KIAA1614: variants seen among roughly 807,000 people sequenced by gnomAD.
KIAA1614 encodes uncharacterized protein KIAA1614.
KIAA1614 carries 76 observed loss-of-function variants against 88.7 expected under a neutral mutation model. That is an observed-to-expected ratio of 0.86 (90% CI 0.71 to 1.04). The LOEUF (loss-of-function observed/expected upper bound fraction) is 1.04, where lower values mean the gene tolerates loss of function less well. Among genes scored for constraint, KIAA1614 ranks in the 50% least tolerant of loss-of-function variants. The probability of loss-of-function intolerance (pLI) is 0.00; values close to 1 mark genes in which losing one functional copy is unlikely to be tolerated. For missense variants in KIAA1614, 1,553 were observed against 1,582.5 expected, an observed-to-expected ratio of 0.98 and a Z score of 0.32; for synonymous variants, 714 against 675.5, an observed-to-expected ratio of 1.06 and a Z score of -0.88.
Position 180,935,393 on chromosome 1 carries a change from C to A in KIAA1614, c.1484C>A (p.Ala495Asp). The A allele has an allele frequency of 6.8e-7, 1 of 1,471,146 alleles. No individual in the cohort carries two copies. The highest frequency in any genetic ancestry group is 8.9e-7 in the Non-Finnish European group (1 of 1,117,808). The allele number at this position is 1,471,146 out of a possible 1,614,324, so 91.1% of individuals were successfully genotyped here. The change falls in exon 5 of 9, where the codon GCC (alanine) becomes GAC (aspartate). Residue 495 changes from alanine (A) to aspartate (D), a missense_variant. Transcript: ENST00000367588. The surrounding 1 kb of genome is among the most constrained non-coding windows in gnomAD (Gnocchi z 6.1). ...QGPLRSKPDL[A>D]DYINGAPRLR... ...CCCCTGCGCTCCAAGCCCGACCTCG[C>A]CGACTACATCAACGGGGCTCCCCGG...
In KIAA1614 at chr1:180,935,249, C is replaced by A; in HGVS notation, c.1340C>A (p.Pro447Gln). The A allele has an allele frequency of 1.3e-6, 2 of 1,527,410 alleles. No homozygotes were observed. Among genetic ancestry groups the A allele is most frequent in the Non-Finnish European group, 1.8e-6 (2 of 1,140,600 alleles). 94.6% of individuals were successfully genotyped at this position (1,527,410 alleles called of 1,614,324 possible). Residue 447 changes from proline to glutamine, a missense_variant, in exon 5 of 9, where the codon CCG becomes CAG. Transcript: ENST00000367588. The surrounding 1 kb of genome is among the most constrained non-coding windows in gnomAD (Gnocchi z 6.1). Reference protein sequence around the residue: ...GGHRPRRGPSPSHVRFEDESA... With the variant: ...GGHRPRRGPSQSHVRFEDESA... Reference sequence around the variant, plus strand: ...CACAGGCCGAGGCGGGGCCCCTCGCCGTCGCACGTGCGCTTTGAGGATGAG... The same window carrying A: ...CACAGGCCGAGGCGGGGCCCCTCGCAGTCGCACGTGCGCTTTGAGGATGAG...
intron 6 of KIAA1614, among the ~76,000 whole-genome samples, chr1:180,940,624 T>G (rs1377316108): frequency 6.6e-6 from 1 of 152,178 alleles, no homozygotes; most frequent in Non-Finnish European, 1.5e-5. Flanking sequence ...TGGCAGTCTT[T>G]TTTTTCTTTC....
In KIAA1614 at chr1:180,950,381, C is replaced by G. The variant is rs1654705824; in HGVS notation, c.*4793C>G. 1 of 1,238,802 alleles carries G rather than the reference C, an allele frequency of 8.1e-7. No individual in the cohort carries two copies. Among genetic ancestry groups the G allele is most frequent in the South Asian group, 1.3e-5 (1 of 75,428 alleles). 76.7% of individuals were successfully genotyped at this position (1,238,802 alleles called of 1,614,324 possible). On this transcript the variant is annotated 3_prime_UTR_variant, in exon 9 of 9. Transcript: ENST00000367588. ...GATGGCTGACATGAGCATGGCCAAG[C>G]TGTACTCAGGGCTGCTGGGGGTGGG... is the stretch of plus-strand genomic sequence containing the variant.
In KIAA1614 at chr1:180,913,224, G is replaced by T; in HGVS notation, c.-20G>T. The T allele has an allele frequency of 7.9e-7, 1 of 1,260,098 alleles. No individual in the cohort carries two copies. Among genetic ancestry groups the T allele is most frequent in the South Asian group, 3.4e-5 (1 of 29,050 alleles). 78.1% of individuals were successfully genotyped at this position (1,260,098 alleles called of 1,614,324 possible). A position where few individuals can be genotyped will look rare whatever the true frequency, so the allele number is the denominator to read the frequency against. Reference sequence around the variant, plus strand: ...CCTGGGAGGGAGAAGGGGCTGGAGAGGGCCTGGCCTCTCCGAGGGATGGAG... The same window carrying T: ...CCTGGGAGGGAGAAGGGGCTGGAGATGGCCTGGCCTCTCCGAGGGATGGAG... On this transcript the variant is annotated 5_prime_UTR_variant, in exon 1 of 9. The change creates a new upstream start codon in the 5' untranslated region. Coordinates refer to ENST00000367588, the MANE Select transcript of KIAA1614 (RefSeq NM_020950.2).
Position 180,917,776 on chromosome 1 carries a change from C to T in KIAA1614, c.998-75C>T, listed in dbSNP as rs183950261. 39 of 1,187,072 alleles carry T rather than the reference C, an allele frequency of 3.3e-5. No individual in the cohort carries two copies. The Middle Eastern group carries it at 9.6e-4, about 29-fold the overall frequency. The allele number at this position is 1,187,072 out of a possible 1,614,324, so 73.5% of individuals were successfully genotyped here. A position where few individuals can be genotyped will look rare whatever the true frequency, so the allele number is the denominator to read the frequency against. ...TTGCTTCTGGAGAAACTCTTCTCCTCAGTGTTCACTAAGTGGCAGCTGAGA... is the reference window on the plus strand; with the variant it reads ...TTGCTTCTGGAGAAACTCTTCTCCTTAGTGTTCACTAAGTGGCAGCTGAGA... On this transcript the variant is annotated intron_variant, in intron 2 of 8. Transcript: ENST00000367588.
chr1:180,950,657 C>A lies in KIAA1614; in HGVS notation c.*5069C>A. The stretch of plus-strand genomic sequence containing the variant: ...AAACAGATCCTGGCAGCATCTAACC[C>A]CTTGGGCTGTGGCAGGGCTTCTGTG... On this transcript the variant is annotated 3_prime_UTR_variant, in exon 9 of 9. Transcript: ENST00000367588. The A allele has an allele frequency of 2.5e-6, 1 of 393,824 alleles. No individual in the cohort carries two copies. Among genetic ancestry groups the A allele is most frequent in the South Asian group, 9.5e-5 (1 of 10,572 alleles). The allele number at this position is 393,824 out of a possible 1,614,324, so 24.4% of individuals were successfully genotyped here.
intron 2 of KIAA1614, 125 bp downstream of exon 2, chr1:180,917,225 C>T: frequency 1.4e-6 from 1 of 719,160 alleles, no homozygotes; most frequent in Non-Finnish European, 2.3e-6. Flanking sequence ...TGACAGTTGC[C>T]TGTCATCAAA....
At chr1:180,943,034 T>TTTTTGTTTGTTTG (rs57406050) in intron 7 of KIAA1614, among the ~76,000 whole-genome samples, 4,244 of 139,560 alleles carry the variant, frequency 0.03, 109 homozygotes, top group African/African-American at 0.061. Context: ...TTGGGTTTTT[T>TTTTTGTTTGTTTG]TTTTTTTTTT....
intron 8 of KIAA1614, 79 bp from the exon 9 acceptor site, chr1:180,945,224 G>T (rs1476751794): frequency 1.4e-6 from 2 of 1,444,504 alleles, no homozygotes; most frequent in Non-Finnish European, 1.8e-6. Flanking sequence ...GTGAGGCATC[G>T]GTCATCTGTA....
At chr1:180,926,934 C>T (rs1654082722) in intron 3 of KIAA1614, among the ~76,000 whole-genome samples, 1 of 152,218 alleles carries the variant, frequency 6.6e-6, no homozygotes, top group African/African-American at 2.4e-5. Context: ...CAAAGCCATG[C>T]CTGGGCCCTG....
chr1:180,937,480 C>T (rs1263275429), intron 5 of KIAA1614, among the ~76,000 whole-genome samples: 1 of 152,186 alleles, frequency 6.6e-6, no homozygotes, highest in Non-Finnish European at 1.5e-5. Context: ...TGGGGGTTGG[C>T]AGGCTCAGGC....
Position 180,946,216 on chromosome 1 carries a change from GGCTGCGTTGAAAC to G in KIAA1614, c.*630_*642del, listed in dbSNP as rs1489168805. ...TGGTTCTCAGCAGTCCCTTTGATGT[GGCTGCGTTGAAAC>G]GGTTCCTTTCCTCCGGCTGTGGAGT... On this transcript the variant is annotated 3_prime_UTR_variant, in exon 9 of 9. Transcript: ENST00000367588. 4 of 152,270 alleles carry G rather than the reference GGCTGCGTTGAAAC, an allele frequency of 2.6e-5. No individual in the cohort carries two copies. 9.4% of individuals were successfully genotyped at this position (152,270 alleles called of 1,614,324 possible).
chr1:180,938,270 C>T (rs546117271), intron 5 of KIAA1614, among the ~76,000 whole-genome samples: 1 of 152,174 alleles, frequency 6.6e-6, no homozygotes, highest in Non-Finnish European at 1.5e-5. Context: ...TACTGTGGAC[C>T]AGGTGCTGTG....
rs753823512 is a variant in KIAA1614, at chr1:180,941,219, G to A, written c.3093G>A (p.Gln1031=). The change falls in exon 7 of 9, where the codon CAG becomes CAA. Residue 1031 remains glutamine, a synonymous_variant. Coordinates refer to ENST00000367588, the MANE Select transcript of KIAA1614 (RefSeq NM_020950.2). Reference sequence around the variant, plus strand: ...AGTCCCGCAGCTACAGTGTGGAGCAGTTGCAGCCCGCCCCGCCTGGCCTGA... The same window carrying A: ...AGTCCCGCAGCTACAGTGTGGAGCAATTGCAGCCCGCCCCGCCTGGCCTGA... The part of the protein sequence containing the change: ...LGKSRSYSVE[Q]LQPAPPGLTS... 1 of 1,613,840 alleles carries A rather than the reference G, an allele frequency of 6.2e-7. No individual in the cohort carries two copies. Among genetic ancestry groups the A allele is most frequent in the Non-Finnish European group, 8.5e-7 (1 of 1,179,976 alleles).
chr1:180,928,470 C>A lies in KIAA1614; in HGVS notation c.1102C>A (p.His368Asn). ...PNPEPVLSPR[H>N]EEATHLLQRA... The stretch of plus-strand genomic sequence containing the variant: ...CCCGGAGCCTGTGCTGAGCCCCAGG[C>A]ATGAGGAAGCCACGCATCTGCTGCA... The change falls in exon 4 of 9, where the codon CAT becomes AAT. Residue 368 changes from histidine (H) to asparagine (N), a missense_variant. Physicochemically the swap from His to Asn is moderately conservative, Grantham distance 68. Coordinates refer to ENST00000367588, the MANE Select transcript of KIAA1614 (RefSeq NM_020950.2). 1 of 1,613,364 alleles carries A rather than the reference C, an allele frequency of 6.2e-7. No homozygotes were observed.
chr1:180,946,149 A>G lies in KIAA1614; in HGVS notation c.*561A>G, dbSNP rs1353564021. The G allele has an allele frequency of 6.6e-6, 1 of 152,230 alleles. No individual in the cohort carries two copies. The highest frequency in any genetic ancestry group is 2.4e-5 in the African/African-American group (1 of 41,436). The allele number at this position is 152,230 out of a possible 1,614,324, so 9.4% of individuals were successfully genotyped here. A position where few individuals can be genotyped will look rare whatever the true frequency, so the allele number is the denominator to read the frequency against. ...TAAATAAATTAGAATTTTGAAGGCC[A>G]TCTTTGCAGAGGAGAGCCAGAGGGA... On this transcript the variant is annotated 3_prime_UTR_variant, in exon 9 of 9. Coordinates refer to ENST00000367588, the MANE Select transcript of KIAA1614 (RefSeq NM_020950.2).
intron 3 of KIAA1614, among the ~76,000 whole-genome samples, chr1:180,927,861 A>G (rs1654104211): frequency 6.6e-6 from 1 of 152,172 alleles, no homozygotes; most frequent in African/African-American, 2.4e-5. Flanking sequence ...ATTGGGACTA[A>G]GGCAAGAAAA....
chr1:180,950,279 T>G lies in KIAA1614; in HGVS notation c.*4691T>G. ...AGCACCTCATCAACATGGTCAGCATTCCAGAGATGCACTTCTTCGATTTGG... is the reference window on the plus strand; with the variant it reads ...AGCACCTCATCAACATGGTCAGCATGCCAGAGATGCACTTCTTCGATTTGG... On this transcript the variant is annotated 3_prime_UTR_variant, in exon 9 of 9. Transcript: ENST00000367588. 1 of 1,099,192 alleles carries G rather than the reference T, an allele frequency of 9.1e-7. No individual in the cohort carries two copies. The highest frequency in any genetic ancestry group is 1.7e-5 in the South Asian group (1 of 57,568). The allele number at this position is 1,099,192 out of a possible 1,614,324, so 68.1% of individuals were successfully genotyped here.
rs1244929366 is a variant in KIAA1614, at chr1:180,916,759, G to T, written c.656G>T (p.Gly219Val). Residue 219 changes from glycine to valine, a missense_variant, in exon 2 of 9, where the codon GGA becomes GTA. Coordinates refer to ENST00000367588, the MANE Select transcript of KIAA1614 (RefSeq NM_020950.2). ...AGCCCGATCCATGGAGTTACTCCCG[G>T]ACGGCCTGGGGGTCCTGGTCATTGT... is the stretch of plus-strand genomic sequence containing the variant. ...QQSPIHGVTP[G>V]RPGGPGHCNK... 1.2e-6 allele frequency: 2 copies of T among 1,614,110 alleles called. No homozygotes were observed. Among genetic ancestry groups the T allele is most frequent in the African/African-American group, 2.7e-5 (2 of 74,954 alleles).
Sources: gnomAD v4.1 joint callset for allele counts (sites outside exome capture counted in the v4.1 genomes callset) on GRCh38, gnomAD v4.1.1 for gene constraint, Gnocchi (gnomAD v3.1) non-coding constraint, MANE v1.5 for transcripts, NCBI Gene and HGNC (gene_info 2026-07-23, HGNC 2026-07-21) for gene names.